Variants in PEX14 observed in about 807,000 individuals in gnomAD.
PEX14 encodes the protein peroxisomal biogenesis factor 14, also known as peroxisomal membrane protein PEX14.
In PEX14, 15 loss-of-function variants were observed where a neutral mutation model predicts 49.5. The observed-to-expected ratio is 0.30, with a 90% CI of 0.20 to 0.47. The LOEUF is 0.47. Ranked by LOEUF, PEX14 falls within the 20% of genes least tolerant of loss-of-function variation. The pLI is 1.00. For missense variants in PEX14, 398 were observed against 494.8 expected, an observed-to-expected ratio of 0.80 and a Z score of 1.86; for synonymous variants, 210 against 212.7, an observed-to-expected ratio of 0.99 and a Z score of 0.11.
At chr1:10,505,950 G>A (rs1185265932) in intron 2 of PEX14, among the ~76,000 whole-genome samples, 4 of 152,168 alleles carry the variant, frequency 2.6e-5, no homozygotes, top group African/African-American at 9.7e-5. Context: ...CAAAGTGCTG[G>A]GATTACAGGC....
intron 1 of PEX14, among the ~76,000 whole-genome samples, chr1:10,485,624 A>AT (rs1300156645): frequency 6.6e-6 from 1 of 150,462 alleles, no homozygotes; most frequent in African/African-American, 2.5e-5. Context: ...GAGCCTAAAT[A>AT]TTTTTTTGTT....
At chr1:10,501,167 T>C (rs1325800068) in intron 2 of PEX14, among the ~76,000 whole-genome samples, 1 of 152,234 alleles carries the variant, frequency 6.6e-6, no homozygotes, top group African/African-American at 2.4e-5. Context: ...TTGATTTCTG[T>C]GCAGAGTTAG....
chr1:10,519,694 A>C (rs1256756331), intron 2 of PEX14, among the ~76,000 whole-genome samples: 1 of 152,220 alleles, frequency 6.6e-6, no homozygotes, highest in Non-Finnish European at 1.5e-5. Flanking sequence ...GCTTTCTCTC[A>C]GCTACCTAAC....
intron 3 of PEX14, among the ~76,000 whole-genome samples, chr1:10,590,956 G>C (rs138649316): frequency 1.3e-5 from 2 of 152,284 alleles, no homozygotes; most frequent in African/African-American, 2.4e-5. Flanking sequence ...GCATTCAGCT[G>C]GGTGACTAAA....
At position 10,624,134 on chromosome 1, in the gene PEX14, A is replaced by C. The variant is rs190115464; in HGVS notation, c.488-206A>C. ...GACCATGGACAACTACACAATGGAA[A>C]GATAAAGTAGAAATACTAGAGGTTA... On this transcript the variant is annotated intron_variant, in intron 6 of 8. Coordinates refer to ENST00000356607, the MANE Select transcript of PEX14 (RefSeq NM_004565.3). Among the ~76,000 whole-genome samples the C allele has an allele frequency of 2.4e-4, 36 of 152,334 alleles. No homozygotes were observed. In the South Asian group the frequency reaches 7.0e-3, roughly 30 times the overall value.
chr1:10,482,495 G>T (rs1384423903), intron 1 of PEX14, among the ~76,000 whole-genome samples: 1 of 145,796 alleles, frequency 6.9e-6, no homozygotes, highest in Non-Finnish European at 1.5e-5. Flanking sequence ...GTGCAGTGGC[G>T]CAATCTCAGC....
At chr1:10,526,681 C>G (rs1638493267) in intron 2 of PEX14, among the ~76,000 whole-genome samples, 1 of 152,158 alleles carries the variant, frequency 6.6e-6, no homozygotes, top group Non-Finnish European at 1.5e-5. Flanking sequence ...ATAATACTTA[C>G]TGGTTGAGCA....
chr1:10,595,344 C>G (rs574281377), intron 3 of PEX14, among the ~76,000 whole-genome samples: 1 of 152,240 alleles, frequency 6.6e-6, no homozygotes, highest in African/African-American at 2.4e-5. Context: ...TCCCTCGTCC[C>G]TTTCTCCTCC....
chr1:10,605,650 C>T (rs1423369985), intron 4 of PEX14, among the ~76,000 whole-genome samples: 2 of 152,182 alleles, frequency 1.3e-5, no homozygotes, highest in Admixed American at 6.5e-5. Flanking sequence ...GCATGGGTGG[C>T]CTCGGGGTTC....
rs543843635 is a variant in PEX14, at chr1:10,624,368, C to T, written c.516C>T (p.Ser172=). ...CTCAGTTACAGACGACCCTCGCCTCCGTCCAGGAGCTGCTGATTCAGCAGC... is the reference window on the plus strand; with the variant it reads ...CTCAGTTACAGACGACCCTCGCCTCTGTCCAGGAGCTGCTGATTCAGCAGC... The part of the protein sequence containing the change: ...TVTQLQTTLA[S]VQELLIQQQQ... Residue 172 remains serine (S), a synonymous_variant, in exon 7 of 9, where the codon TCC becomes TCT. Coordinates refer to ENST00000356607, the MANE Select transcript of PEX14 (RefSeq NM_004565.3). The T allele has an allele frequency of 3.8e-4, 608 of 1,613,316 alleles. 8 individuals carry two copies. The South Asian group carries it at 6.2e-3, about 16-fold the overall frequency.
chr1:10,479,776 A>G (rs6680568), intron 1 of PEX14, among the ~76,000 whole-genome samples: 7,102 of 152,210 alleles, frequency 0.047, 413 homozygotes, highest in African/African-American at 0.12. Context: ...ACTCACAACT[A>G]TTGGACTTAT....
intron 1 of PEX14, among the ~76,000 whole-genome samples, chr1:10,479,825 C>T (rs932068332): frequency 2.6e-5 from 4 of 152,124 alleles, no homozygotes; most frequent in African/African-American, 9.7e-5. Context: ...CTCTGTAAAA[C>T]GAGAGCAATA....
intron 2 of PEX14, among the ~76,000 whole-genome samples, chr1:10,505,530 TATTTTATTTAA>T (rs1172744389): frequency 6.6e-6 from 1 of 152,136 alleles, no homozygotes; most frequent in African/African-American, 2.4e-5. Flanking sequence ...TTGAAATTTT[TATTTTATTTAA>T]ATTTTATTTA....
Position 10,539,444 on chromosome 1 carries a change from G to T in PEX14, c.169+3147G>T, listed in dbSNP as rs769216656. On this transcript the variant is annotated intron_variant, in intron 3 of 8. Coordinates refer to ENST00000356607, the MANE Select transcript of PEX14 (RefSeq NM_004565.3). The surrounding 1 kb of genome is among the most constrained non-coding windows in gnomAD (Gnocchi z 4.6). Reference sequence around the variant, plus strand: ...TTTATCGGGAATATTTTGGATGAAAGAAAAAAGCAGCTGCTCACCTTCAGA... The same window carrying T: ...TTTATCGGGAATATTTTGGATGAAATAAAAAAGCAGCTGCTCACCTTCAGA... Among the ~76,000 whole-genome samples, 2 of 152,092 alleles carry T rather than the reference G, an allele frequency of 1.3e-5. No homozygotes were observed. Among genetic ancestry groups the T allele is most frequent in the Non-Finnish European group, 2.9e-5 (2 of 67,996 alleles).
At chr1:10,608,347 A>T (rs2124617247) in intron 4 of PEX14, among the ~76,000 whole-genome samples, 1 of 152,336 alleles carries the variant, frequency 6.6e-6, no homozygotes, top group East Asian at 1.9e-4. Context: ...TCTTATCCGC[A>T]TTGAGTTACA....
chr1:10,602,948 A>G (rs951184703), intron 4 of PEX14, among the ~76,000 whole-genome samples: 1 of 152,200 alleles, frequency 6.6e-6, no homozygotes, highest in South Asian at 2.1e-4. Flanking sequence ...CAAGGCTAGA[A>G]AATGGGATCC....
At chr1:10,573,873 G>A (rs1449100625) in intron 3 of PEX14, among the ~76,000 whole-genome samples, 1 of 152,190 alleles carries the variant, frequency 6.6e-6, no homozygotes, top group Non-Finnish European at 1.5e-5. Flanking sequence ...GGCTGAGGTG[G>A]GCAGATCACT....
At chr1:10,552,989 T>TG (rs908209349) in intron 3 of PEX14, among the ~76,000 whole-genome samples, 2 of 151,920 alleles carry the variant, frequency 1.3e-5, no homozygotes, top group African/African-American at 4.8e-5. Flanking sequence ...TGGGCAAAGG[T>TG]GGGATCAGGG....
chr1:10,503,245 G>T (rs573981099), intron 2 of PEX14, among the ~76,000 whole-genome samples: 2 of 120,840 alleles, frequency 1.7e-5, no homozygotes, highest in African/African-American at 6.5e-5. Context: ...TTGTGCCACT[G>T]CACTCCAGCC....
Sources: allele counts gnomAD v4.1 joint callset (sites outside exome capture counted in the v4.1 genomes callset), GRCh38; gene constraint gnomAD v4.1.1; non-coding constraint Gnocchi (gnomAD v3.1); transcripts MANE v1.5; gene names NCBI Gene and HGNC (gene_info 2026-07-23, HGNC 2026-07-21).